The following AP4E1 variants were observed in gnomAD, a reference collection of about 807,000 sequenced individuals.
AP4E1 encodes adaptor related protein complex 4 subunit epsilon 1.
In AP4E1, 56 loss-of-function variants were observed where a neutral mutation model predicts 128.2. That is an observed-to-expected ratio of 0.44 (90% confidence interval 0.35 to 0.55). The LOEUF (loss-of-function observed/expected upper bound fraction) is 0.55. AP4E1 is among the 20% of genes least tolerant of loss of function. The pLI is 0.00. For synonymous variants in AP4E1, 484 were observed against 473.1 expected (o/e 1.02, Z -0.30); for missense variants, 1,324 against 1,307.7 (o/e 1.01, Z -0.19).
Position 50,999,086 on chromosome 15 carries a change from T to G in AP4E1, c.2919T>G (p.Pro973=), listed in dbSNP as rs1181912855. Residue 973 remains proline (P), a synonymous_variant, in exon 19 of 21, where the codon CCT becomes CCG. Transcript: ENST00000261842. The part of the protein sequence containing the change: ...PAENFKVTEQ[P]GCCLPVMEAE... ...TCTATTTGCAGGTGACTGAGCAACC[T>G]GGATGCTGTTTGCCTGTAATGGAAG... The G allele has an allele frequency of 5.0e-6, 8 of 1,614,060 alleles. No individual in the cohort carries two copies. Among genetic ancestry groups the G allele is most frequent in the Admixed American group, 1.7e-5 (1 of 60,012 alleles).
intron 17 of AP4E1, among the ~76,000 whole-genome samples, chr15:50,996,729 A>G (rs2064879981): frequency 6.6e-6 from 1 of 152,214 alleles, no homozygotes; most frequent in African/African-American, 2.4e-5. Flanking sequence ...GTTTGGACCA[A>G]CGATGTCAAG....
Position 50,958,496 on chromosome 15 carries a change from TA to T in AP4E1, c.1554del (p.Glu520AsnfsTer6), listed in dbSNP as rs781332966. The T allele has an allele frequency of 6.2e-7, 1 of 1,609,766 alleles. No homozygotes were observed. Among genetic ancestry groups the T allele is most frequent in the South Asian group, 1.1e-5 (1 of 90,754 alleles). ...ATCTCTTTGTTTTATTTACAGGTAT[TA>T]GGGGAATATTCCTACCTCTTAGATA... The part of the protein sequence containing the change: ...QRFLQVMSWV[L>X]GEYSYLLDKE... On this transcript the variant is annotated frameshift_variant, in exon 14 of 21. Transcript: ENST00000261842. LOFTEE classifies it high-confidence loss of function.
intron 10 of AP4E1, among the ~76,000 whole-genome samples, chr15:50,946,676 T>G (rs2064065836): frequency 6.6e-6 from 1 of 152,204 alleles, no homozygotes. Context: ...ATGTGGAAAT[T>G]ATCTTGCAGC....
At chr15:50,957,049 AT>A (rs1266516482) in intron 13 of AP4E1, among the ~76,000 whole-genome samples, 8 of 152,004 alleles carry the variant, frequency 5.3e-5, no homozygotes, top group Non-Finnish European at 1.2e-4. Flanking sequence ...CTGAAGCCCC[AT>A]TGAGCATGTT....
At chr15:50,924,981 AAAT>A in intron 4 of AP4E1, 114 bp from the exon 5 acceptor site, 1 of 1,247,864 alleles carries the variant, frequency 8.0e-7, no homozygotes, top group Middle Eastern at 2.4e-4. Flanking sequence ...TTGGATGTAC[AAAT>A]TAATTATAAA....
rs1417507403 is a variant in AP4E1, at chr15:50,930,844, G to T, written c.742G>T (p.Val248Leu). Residue 248 changes from valine to leucine, a missense_variant, in exon 7 of 21, where the codon GTA becomes TTA. Physicochemically the swap from Val to Leu is conservative, Grantham distance 32. Coordinates refer to ENST00000261842, the MANE Select transcript of AP4E1 (RefSeq NM_007347.5). Reference protein sequence around the residue: ...SGYKDLTGSFVTILKQVVGGK... With the variant: ...SGYKDLTGSFLTILKQVVGGK... ...ATATAAAGACTTGACTGGGAGTTTTGTAACCATTTTGAAGCAAGTAGTTGG... is the reference window on the plus strand; with the variant it reads ...ATATAAAGACTTGACTGGGAGTTTTTTAACCATTTTGAAGCAAGTAGTTGG... 1 of 1,614,116 alleles carries T rather than the reference G, an allele frequency of 6.2e-7. No homozygotes were observed.
chr15:50,936,376 G>C (rs905722128), intron 8 of AP4E1, among the ~76,000 whole-genome samples: 4 of 149,464 alleles, frequency 2.7e-5, no homozygotes, highest in South Asian at 2.1e-4. Flanking sequence ...TTTTTCCCTT[G>C]CAGAAAGTTT....
At chr15:50,927,487 A>G (rs2063782655) in intron 5 of AP4E1, among the ~76,000 whole-genome samples, 1 of 150,176 alleles carries the variant, frequency 6.7e-6, no homozygotes, top group Non-Finnish European at 1.5e-5. Flanking sequence ...ACTTGAGGCC[A>G]GGCCTGTGAA....
chr15:50,972,332 C>T (rs1430894033), intron 15 of AP4E1, among the ~76,000 whole-genome samples: 1 of 152,146 alleles, frequency 6.6e-6, no homozygotes, highest in African/African-American at 2.4e-5. Context: ...CCATCTCAGC[C>T]TCCCAAGTAG....
chr15:50,914,650 CAAAA>C (rs60591318), intron 2 of AP4E1, among the ~76,000 whole-genome samples: 37 of 93,670 alleles, frequency 4.0e-4, no homozygotes, highest in Non-Finnish European at 4.2e-4. Flanking sequence ...GACTCTGTCT[CAAAA>C]AAAAAAAAAA....
chr15:50,978,335 C>T (rs1160732830), intron 15 of AP4E1, among the ~76,000 whole-genome samples: 12 of 151,820 alleles, frequency 7.9e-5, no homozygotes, highest in Admixed American at 7.2e-4. Context: ...AAAGCCATGT[C>T]AAGGTAAGGT....
At chr15:50,915,078 T>C (rs2063613412) in intron 2 of AP4E1, among the ~76,000 whole-genome samples, 1 of 152,224 alleles carries the variant, frequency 6.6e-6, no homozygotes, top group East Asian at 1.9e-4. Flanking sequence ...CAAAGTCTAC[T>C]AAAATTATGT....
chr15:50,985,807 T>G (rs1471465697), intron 16 of AP4E1, among the ~76,000 whole-genome samples: 4 of 152,158 alleles, frequency 2.6e-5, no homozygotes, highest in Non-Finnish European at 5.9e-5. Context: ...CTTTTTTGAT[T>G]CCATATGAAC....
intron 3 of AP4E1, among the ~76,000 whole-genome samples, chr15:50,919,833 G>A (rs1392349290): frequency 6.6e-6 from 1 of 151,536 alleles, no homozygotes; most frequent in Non-Finnish European, 1.5e-5. Context: ...TGCCAACACT[G>A]TGAGAGGCTT....
intron 3 of AP4E1, among the ~76,000 whole-genome samples, chr15:50,921,642 G>C (rs879388187): frequency 6.6e-6 from 1 of 152,122 alleles, no homozygotes; most frequent in Non-Finnish European, 1.5e-5. Context: ...TCATTTTAAA[G>C]ATGAGAAGAC....
At position 51,002,701 on chromosome 15, in the gene AP4E1, G is replaced by A; in HGVS notation, c.*39G>A. On this transcript the variant is annotated 3_prime_UTR_variant, in exon 21 of 21. Coordinates refer to ENST00000261842, the MANE Select transcript of AP4E1 (RefSeq NM_007347.5). ...AAATTTTACTCCATCAAGATCAATG[G>A]TTTACATAGATAAACTTATTTACCA... 1.2e-6 allele frequency: 2 copies of A among 1,611,304 alleles called. No individual in the cohort carries two copies. The highest frequency in any genetic ancestry group is 1.7e-6 in the Non-Finnish European group (2 of 1,178,150).
chr15:50,984,756 C>T (rs1259497060), intron 16 of AP4E1, among the ~76,000 whole-genome samples: 7 of 151,940 alleles, frequency 4.6e-5, no homozygotes, highest in Non-Finnish European at 7.4e-5. Flanking sequence ...TGAATAGTGC[C>T]GCAGTAAACA....
At chr15:50,947,966 T>C in intron 10 of AP4E1, 54 bp from the exon 11 acceptor site, 1 of 1,336,036 alleles carries the variant, frequency 7.5e-7, no homozygotes, top group East Asian at 2.5e-5. Flanking sequence ...ACTGTACTCA[T>C]TGGTGTTATG....
intron 5 of AP4E1, among the ~76,000 whole-genome samples, chr15:50,928,587 T>G (rs1008482207): frequency 6.6e-6 from 1 of 152,026 alleles, no homozygotes; most frequent in African/African-American, 2.4e-5. Context: ...TTAATATTAA[T>G]AAAAAGATTT....
Sources: allele counts gnomAD v4.1 joint callset (sites outside exome capture counted in the v4.1 genomes callset), GRCh38; gene constraint gnomAD v4.1.1; transcripts MANE v1.5; gene names NCBI Gene and HGNC (gene_info 2026-07-23, HGNC 2026-07-21).